Variants in PTPRM observed in about 807,000 individuals in gnomAD.
The protein encoded by PTPRM is receptor-type tyrosine-protein phosphatase mu.
In PTPRM, 47 loss-of-function variants were observed where a neutral mutation model predicts 186.7. The observed-to-expected ratio is 0.25, with a 90% confidence interval of 0.20 to 0.32. The LOEUF (loss-of-function observed/expected upper bound fraction) is 0.32. Ranked by LOEUF, PTPRM falls within the 10% of genes least tolerant of loss-of-function variation. The probability of loss-of-function intolerance (pLI) is 1.00; values close to 1 mark genes in which losing one functional copy is unlikely to be tolerated. For missense variants in PTPRM, 1,494 were observed against 1,865.0 expected, an observed-to-expected ratio of 0.80 and a Z score of 3.66; for synonymous variants, 668 against 674.9, an observed-to-expected ratio of 0.99 and a Z score of 0.16.
chr18:8,268,365 A>C (rs2094727900), intron 19 of PTPRM, among the ~76,000 whole-genome samples: 1 of 152,152 alleles, frequency 6.6e-6, no homozygotes, highest in African/African-American at 2.4e-5. Context: ...AATTCCTAGA[A>C]ACGTACAACT....
At chr18:8,170,844 C>T (rs759445385) in intron 14 of PTPRM, among the ~76,000 whole-genome samples, 2 of 152,194 alleles carry the variant, frequency 1.3e-5, no homozygotes, top group Non-Finnish European at 2.9e-5. Flanking sequence ...GAAGTGACAA[C>T]CACATTTGAA....
chr18:7,678,994 T>C (rs2039415795), intron 1 of PTPRM, among the ~76,000 whole-genome samples: 2 of 152,242 alleles, frequency 1.3e-5, no homozygotes, highest in Admixed American at 6.5e-5. Flanking sequence ...CAGTTCTTCC[T>C]GCCTGCAGCA....
At chr18:8,106,290 G>T (rs1387843370) in intron 11 of PTPRM, among the ~76,000 whole-genome samples, 1 of 152,036 alleles carries the variant, frequency 6.6e-6, no homozygotes, top group Non-Finnish European at 1.5e-5. Flanking sequence ...AGTGAATGGA[G>T]ACTGTATTGG....
chr18:8,163,868 T>C (rs1194950132), intron 14 of PTPRM, among the ~76,000 whole-genome samples: 1 of 152,232 alleles, frequency 6.6e-6, no homozygotes, highest in East Asian at 1.9e-4. Context: ...AAAAACATCT[T>C]TAATTACTAT....
At chr18:7,684,610 G>A (rs553760271) in intron 1 of PTPRM, among the ~76,000 whole-genome samples, 6 of 152,124 alleles carry the variant, frequency 3.9e-5, no homozygotes, top group Non-Finnish European at 8.8e-5. Context: ...TTGTCCTTTT[G>A]TGTTGGCTTA....
chr18:8,227,775 A>T (rs2094232530), intron 14 of PTPRM, among the ~76,000 whole-genome samples: 1 of 152,222 alleles, frequency 6.6e-6, no homozygotes, highest in Non-Finnish European at 1.5e-5. Flanking sequence ...CTGCAGAGTG[A>T]CATTTTTGAA....
chr18:7,636,359 G>A (rs181433960), intron 1 of PTPRM, among the ~76,000 whole-genome samples: 1 of 152,282 alleles, frequency 6.6e-6, no homozygotes, highest in East Asian at 1.9e-4. Context: ...GTTTTGCCTG[G>A]AAGTTAAGCC....
chr18:8,283,063 T>G, intron 19 of PTPRM, among the ~76,000 whole-genome samples: 1 of 152,124 alleles, frequency 6.6e-6, no homozygotes. Context: ...ATTCCAGGAA[T>G]TAGGGGATAT....
intron 1 of PTPRM, among the ~76,000 whole-genome samples, chr18:7,603,110 A>G (rs2037448118): frequency 6.6e-6 from 1 of 151,570 alleles, no homozygotes; most frequent in African/African-American, 2.4e-5. Flanking sequence ...TTGTATTTTT[A>G]GTAGAGATGG....
At chr18:7,787,155 T>C (rs886092223) in intron 2 of PTPRM, among the ~76,000 whole-genome samples, 1 of 152,212 alleles carries the variant, frequency 6.6e-6, no homozygotes, top group Non-Finnish European at 1.5e-5. Flanking sequence ...TTCTCCACAC[T>C]TGATATTTCT....
intron 22 of PTPRM, among the ~76,000 whole-genome samples, chr18:8,329,844 G>A (rs537288114): frequency 2.1e-4 from 32 of 152,060 alleles, no homozygotes; most frequent in African/African-American, 7.7e-4. Context: ...TGTCACCCAG[G>A]CAGGAGTGTA....
chr18:8,002,061 C>T (rs2083907639), intron 7 of PTPRM, among the ~76,000 whole-genome samples: 1 of 152,128 alleles, frequency 6.6e-6, no homozygotes, highest in Non-Finnish European at 1.5e-5. Context: ...TAGAGGACCA[C>T]GTGAGATGAG....
At chr18:7,786,274 G>C (rs891856739) in intron 2 of PTPRM, among the ~76,000 whole-genome samples, 1 of 152,156 alleles carries the variant, frequency 6.6e-6, no homozygotes, top group African/African-American at 2.4e-5. Context: ...TGAAACAACT[G>C]ATTATGCAGC....
chr18:7,675,701 G>A (rs561309935), intron 1 of PTPRM, among the ~76,000 whole-genome samples: 2 of 151,444 alleles, frequency 1.3e-5, no homozygotes, highest in South Asian at 2.1e-4. Context: ...AAACTTGGTG[G>A]TTGTTGGGGA....
At chr18:8,405,791 C>A (rs1309984427) in intron 32 of PTPRM, among the ~76,000 whole-genome samples, 6 of 152,152 alleles carry the variant, frequency 3.9e-5, no homozygotes, top group African/African-American at 1.4e-4. Flanking sequence ...TACCCCTGAC[C>A]CTCCTGCACA....
intron 19 of PTPRM, among the ~76,000 whole-genome samples, chr18:8,258,140 G>A (rs2094592220): frequency 6.6e-6 from 1 of 152,172 alleles, no homozygotes; most frequent in Admixed American, 6.5e-5. Flanking sequence ...AGTGGTGCAG[G>A]GACCTCTCCA....
chr18:8,014,446 C>G (rs1316385076), intron 7 of PTPRM, among the ~76,000 whole-genome samples: 1 of 151,910 alleles, frequency 6.6e-6, no homozygotes, highest in African/African-American at 2.4e-5. Context: ...TCCATTTTTT[C>G]CCTTTCTTAA....
intron 2 of PTPRM, among the ~76,000 whole-genome samples, chr18:7,834,309 A>G (rs36188935): frequency 0.66 from 99,485 of 150,890 alleles, 33,321 homozygotes; most frequent in East Asian, 0.96. Context: ...TTTTTAATGT[A>G]TTGTTGAATT....
At chr18:8,202,208 T>C (rs2093867607) in intron 14 of PTPRM, among the ~76,000 whole-genome samples, 2 of 152,140 alleles carry the variant, frequency 1.3e-5, no homozygotes, top group Non-Finnish European at 2.9e-5. Context: ...CTCATACGAG[T>C]TATTTTGAGG....
Sources: gnomAD v4.1 joint callset for allele counts (sites outside exome capture counted in the v4.1 genomes callset) on GRCh38, gnomAD v4.1.1 for gene constraint, MANE v1.5 for transcripts, NCBI Gene and HGNC (gene_info 2026-07-23, HGNC 2026-07-21) for gene names.